AJAP1: variants seen among roughly 807,000 people sequenced by gnomAD.
AJAP1 encodes the protein adherens junctions associated protein 1, also known as adherens junction-associated protein 1.
In AJAP1, 5 loss-of-function variants were observed where a neutral mutation model predicts 35.0. The ratio of observed to expected loss-of-function variants is 0.14; its 90% confidence interval spans 0.07 to 0.30. AJAP1 has a LOEUF of 0.30. Ranked by LOEUF, AJAP1 falls within the 10% of genes least tolerant of loss-of-function variation. The pLI is 1.00. For missense variants in AJAP1, 586 were observed against 571.0 expected (o/e 1.03, Z -0.27); for synonymous variants, 284 against 249.3 (o/e 1.14, Z -1.31).
In AJAP1 at chr1:4,706,990, G is replaced by A. The variant is rs375242633; in HGVS notation, c.30-4910G>A. Reference sequence around the variant, plus strand: ...TTCTTTCTTTGAAAATCATGGGCTCGAGGCTGCTGAGAGGGAGCTGTCCCT... The same window carrying A: ...TTCTTTCTTTGAAAATCATGGGCTCAAGGCTGCTGAGAGGGAGCTGTCCCT... On this transcript the variant is annotated intron_variant, in intron 1 of 5. Transcript: ENST00000378191. Among the ~76,000 whole-genome samples the A allele has an allele frequency of 3.0e-4, 45 of 152,252 alleles. 1 individual carries two copies. The highest frequency in any genetic ancestry group is 2.1e-3 in the East Asian group (11 of 5,166).
In AJAP1 at chr1:4,697,372, T is replaced by A. The variant is rs148723973; in HGVS notation, c.30-14528T>A. On this transcript the variant is annotated intron_variant, in intron 1 of 5. Coordinates refer to ENST00000378191, the MANE Select transcript of AJAP1 (RefSeq NM_018836.4). ...GCCATTTGTGGCTTCGCACAAGGAATGCTTTTCCAACAGAGGCCCTGGCCA... is the reference window on the plus strand; with the variant it reads ...GCCATTTGTGGCTTCGCACAAGGAAAGCTTTTCCAACAGAGGCCCTGGCCA... Among the ~76,000 whole-genome samples the A allele has an allele frequency of 8.3e-4, 127 of 152,380 alleles. 1 individual carries two copies. The highest frequency in any genetic ancestry group is 2.7e-3 in the African/African-American group (114 of 41,590).
chr1:4,711,834 C>A (rs931266640), intron 1 of AJAP1, 66 bp from the exon 2 acceptor site: 3 of 1,297,364 alleles, frequency 2.3e-6, no homozygotes, highest in Admixed American at 3.0e-5. Flanking sequence ...AGAGAGAGGG[C>A]CCCGGGGCCC....
At chr1:4,707,669 G>A (rs532734419) in intron 1 of AJAP1, among the ~76,000 whole-genome samples, 7 of 152,252 alleles carry the variant, frequency 4.6e-5, no homozygotes, top group African/African-American at 1.7e-4. Context: ...TCAGCTGACG[G>A]GCACGTGAGC....
At chr1:4,689,388 C>T (rs761007081) in intron 1 of AJAP1, among the ~76,000 whole-genome samples, 4 of 152,206 alleles carry the variant, frequency 2.6e-5, no homozygotes, top group African/African-American at 7.2e-5. Context: ...TGGAGCCTCG[C>T]GCAGCCCACC....
At chr1:4,695,957 TG>T (rs58828516) in intron 1 of AJAP1, among the ~76,000 whole-genome samples, 11 of 152,050 alleles carry the variant, frequency 7.2e-5, no homozygotes, top group Non-Finnish European at 1.5e-4. Flanking sequence ...TCTCTCGTAC[TG>T]GGGGGTTCAT....
Position 4,655,665 on chromosome 1 carries a change from C to T in AJAP1, c.29+211C>T, listed in dbSNP as rs1638863104. ...GGGGAGCGGCCGGGTCTCCAGGGTT[C>T]CGCGCGTCCGGGGTCGGGGCAGCGG... is the stretch of plus-strand genomic sequence containing the variant. On this transcript the variant is annotated intron_variant, in intron 1 of 5. Transcript: ENST00000378191. The surrounding 1 kb of genome is among the most constrained non-coding windows in gnomAD (Gnocchi z 6.9). 6.6e-6 allele frequency among the ~76,000 whole-genome samples: 1 copy of T among 151,318 alleles called. No individual in the cohort carries two copies. The highest frequency in any genetic ancestry group is 6.6e-5 in the Admixed American group (1 of 15,220).
intron 1 of AJAP1, among the ~76,000 whole-genome samples, chr1:4,677,021 G>A (rs1445420038): frequency 2.0e-5 from 3 of 152,222 alleles, no homozygotes; most frequent in Non-Finnish European, 4.4e-5. Context: ...GCTGGGTGTG[G>A]TGGCGTGTGC....
At chr1:4,778,084 T>C (rs1188788579) in intron 5 of AJAP1, among the ~76,000 whole-genome samples, 1 of 152,210 alleles carries the variant, frequency 6.6e-6, no homozygotes, top group Non-Finnish European at 1.5e-5. Flanking sequence ...AAGCAGACAG[T>C]GGTCATTACA....
intron 2 of AJAP1, among the ~76,000 whole-genome samples, chr1:4,763,049 C>T (rs1469413019): frequency 6.6e-6 from 1 of 152,188 alleles, no homozygotes; most frequent in Non-Finnish European, 1.5e-5. Context: ...ACACCTCACC[C>T]TCTGAGGCAC....
chr1:4,673,227 G>A (rs937564023), intron 1 of AJAP1, among the ~76,000 whole-genome samples: 1 of 152,184 alleles, frequency 6.6e-6, no homozygotes, highest in Non-Finnish European at 1.5e-5. Flanking sequence ...GGTTGGGGGG[G>A]TGTTTACACT....
At chr1:4,778,252 G>T (rs1053831345) in intron 5 of AJAP1, among the ~76,000 whole-genome samples, 12 of 152,106 alleles carry the variant, frequency 7.9e-5, no homozygotes, top group African/African-American at 2.9e-4. Context: ...AATCTCAGGT[G>T]GACATTCACC....
chr1:4,722,726 G>T (rs1640551026), intron 2 of AJAP1, among the ~76,000 whole-genome samples: 1 of 152,190 alleles, frequency 6.6e-6, no homozygotes, highest in African/African-American at 2.4e-5. Flanking sequence ...CCAGTCTCTG[G>T]CTGCATCTCC....
At chr1:4,742,049 C>T (rs931749550) in intron 2 of AJAP1, among the ~76,000 whole-genome samples, 4 of 152,194 alleles carry the variant, frequency 2.6e-5, no homozygotes, top group South Asian at 2.1e-4. Flanking sequence ...ACCATTGAAA[C>T]CATCATAGTA....
intron 1 of AJAP1, among the ~76,000 whole-genome samples, chr1:4,666,095 C>A (rs527302562): frequency 1.6e-3 from 249 of 151,798 alleles, no homozygotes; most frequent in African/African-American, 5.5e-3. Context: ...CTCCTCCGGC[C>A]CACCCAGGAG....
At position 4,655,321 on chromosome 1, in the gene AJAP1, C is replaced by T. The variant is rs534409884; in HGVS notation, c.-105C>T. On this transcript the variant is annotated 5_prime_UTR_variant, in exon 1 of 6. Coordinates refer to ENST00000378191, the MANE Select transcript of AJAP1 (RefSeq NM_018836.4). The surrounding 1 kb of genome is among the most constrained non-coding windows in gnomAD (Gnocchi z 6.9). Reference sequence around the variant, plus strand: ...CGGCGGGCGGCGGGAGGCGGCGGACCGAGAGCCGGAGACCGGCGCCGCGGG... The same window carrying T: ...CGGCGGGCGGCGGGAGGCGGCGGACTGAGAGCCGGAGACCGGCGCCGCGGG... The T allele has an allele frequency of 2.9e-6, 3 of 1,029,664 alleles. No individual in the cohort carries two copies. Among genetic ancestry groups the T allele is most frequent in the African/African-American group, 3.4e-5 (2 of 58,072 alleles). 63.8% of individuals were successfully genotyped at this position (1,029,664 alleles called of 1,614,324 possible). A position where few individuals can be genotyped will look rare whatever the true frequency, so the allele number is the denominator to read the frequency against.
At chr1:4,707,016 G>A (rs531471899) in intron 1 of AJAP1, among the ~76,000 whole-genome samples, 1 of 152,226 alleles carries the variant, frequency 6.6e-6, no homozygotes, top group African/African-American at 2.4e-5. Context: ...AGCTGTCCCT[G>A]CCTCTTCTCA....
intron 1 of AJAP1, among the ~76,000 whole-genome samples, chr1:4,710,404 C>G (rs1192317848): frequency 6.6e-6 from 1 of 152,180 alleles, no homozygotes; most frequent in Non-Finnish European, 1.5e-5. Flanking sequence ...CACTCTCACA[C>G]TGGCACACTC....
In AJAP1 at chr1:4,712,432, G is replaced by A. The variant is rs1479056650; in HGVS notation, c.562G>A (p.Asp188Asn). 12 of 1,605,270 alleles carry A rather than the reference G, an allele frequency of 7.5e-6. No homozygotes were observed. The Admixed American group carries it at 1.7e-4, about 23-fold the overall frequency. Reference protein sequence around the residue: ...TEFIAWGPTGDEEALESNTFP... With the variant: ...TEFIAWGPTGNEEALESNTFP... ...GTTCATCGCCTGGGGGCCCACGGGG[G>A]ACGAGGAGGCCCTGGAGTCCAACAC... The change falls in exon 2 of 6, where the codon GAC (aspartate) becomes AAC (asparagine). Residue 188 changes from aspartate to asparagine, a missense_variant. By Grantham distance (23) the Asp-to-Asn change is conservative. Transcript: ENST00000378191.
chr1:4,741,023 G>A (rs1187676980), intron 2 of AJAP1, among the ~76,000 whole-genome samples: 2 of 152,074 alleles, frequency 1.3e-5, no homozygotes, highest in Non-Finnish European at 2.9e-5. Context: ...CAACTACAAA[G>A]TCTCGTTGAA....
Sources: gnomAD v4.1 joint callset for allele counts (sites outside exome capture counted in the v4.1 genomes callset) on GRCh38, gnomAD v4.1.1 for gene constraint, Gnocchi (gnomAD v3.1) non-coding constraint, MANE v1.5 for transcripts, NCBI Gene and HGNC (gene_info 2026-07-23, HGNC 2026-07-21) for gene names.